The following PALS1 variants were observed in gnomAD, a reference collection of about 807,000 sequenced individuals.
PALS1 encodes the protein protein PALS1.
PALS1 carries 31 observed loss-of-function variants against 78.9 expected under a neutral mutation model. The observed-to-expected ratio is 0.39, with a 90% confidence interval of 0.30 to 0.53. The LOEUF is 0.53. PALS1 is among the 20% of genes least tolerant of loss of function. PALS1 has a pLI of 0.67. For synonymous variants in PALS1, 276 were observed against 270.9 expected (o/e 1.02, Z -0.18); for missense variants, 704 against 826.5 (o/e 0.85, Z 1.82).
intron 2 of PALS1, chr14:67,270,751 T>A (rs935092428): frequency 2.6e-5 from 4 of 152,226 alleles, no homozygotes; most frequent in African/African-American, 9.6e-5. Context: ...TACAGTATAA[T>A]GTTTCTTTAA....
chr14:67,256,992 G>T (rs1250901941), intron 1 of PALS1, among the ~76,000 whole-genome samples: 3 of 152,188 alleles, frequency 2.0e-5, no homozygotes, highest in Non-Finnish European at 4.4e-5. Flanking sequence ...GACGACAGGT[G>T]CCCAAGGTGA....
chr14:67,252,978 A>C (rs1595561445), intron 1 of PALS1, among the ~76,000 whole-genome samples: 2 of 152,220 alleles, frequency 1.3e-5, no homozygotes, highest in East Asian at 3.8e-4. Flanking sequence ...CATAACCATA[A>C]ATGTATTAAT....
intron 3 of PALS1, among the ~76,000 whole-genome samples, chr14:67,289,531 T>A (rs934118632): frequency 6.6e-6 from 1 of 152,028 alleles, no homozygotes; most frequent in Non-Finnish European, 1.5e-5. Flanking sequence ...ACTATATATA[T>A]AAAATAAGGA....
Position 67,323,912 on chromosome 14 carries a change from T to G in PALS1, c.1851+100T>G. 6 of 640,220 alleles carry G rather than the reference T, an allele frequency of 9.4e-6. No homozygotes were observed. The South Asian group carries it at 1.2e-4, about 13-fold the overall frequency. The allele number at this position is 640,220 out of a possible 1,614,324, so 39.7% of individuals were successfully genotyped here. A position where few individuals can be genotyped will look rare whatever the true frequency, so the allele number is the denominator to read the frequency against. ...CTTAAAAGCTACATTAGCTTGAGCT[T>G]TCAAACTGATTATTTTTTCTGTAAT... is the stretch of plus-strand genomic sequence containing the variant. On this transcript the variant is annotated intron_variant, in intron 14 of 14. Coordinates refer to ENST00000261681, the MANE Select transcript of PALS1 (RefSeq NM_022474.4).
intron 1 of PALS1, among the ~76,000 whole-genome samples, chr14:67,261,791 A>G (rs529596735): frequency 6.6e-6 from 1 of 152,198 alleles, no homozygotes; most frequent in South Asian, 2.1e-4. Context: ...ACTTTGAGCA[A>G]TAGATATCTT....
chr14:67,323,848 GGTAAACATGAAACA>G, intron 14 of PALS1, 36 bp downstream of exon 14: 1 of 1,111,274 alleles, frequency 9.0e-7, no homozygotes, highest in African/African-American at 1.6e-5. Flanking sequence ...TTCCATTGAA[GGTAAACATGAAACA>G]GTCCTGGTCT....
chr14:67,288,083 C>T (rs2084717517), intron 3 of PALS1, among the ~76,000 whole-genome samples: 1 of 150,900 alleles, frequency 6.6e-6, no homozygotes, highest in Non-Finnish European at 1.5e-5. Flanking sequence ...TGGGGTCTCC[C>T]TTTTTTTTTC....
At chr14:67,331,383 A>T (rs963343190) in intron 14 of PALS1, among the ~76,000 whole-genome samples, 2 of 152,056 alleles carry the variant, frequency 1.3e-5, no homozygotes, top group Non-Finnish European at 2.9e-5. Context: ...TCAATGATAG[A>T]AGTGCTGAAG....
At chr14:67,294,958 C>T (rs2084824148) in intron 4 of PALS1, 1 of 152,166 alleles carries the variant, frequency 6.6e-6, no homozygotes, top group Non-Finnish European at 1.5e-5. Context: ...AGGCGTGAGC[C>T]ACTGCGCCTG....
chr14:67,319,702 G>A (rs2085232754), intron 11 of PALS1, among the ~76,000 whole-genome samples: 1 of 152,136 alleles, frequency 6.6e-6, no homozygotes, highest in African/African-American at 2.4e-5. Context: ...GCCGTCCTGG[G>A]CTGCATGCAG....
intron 2 of PALS1, among the ~76,000 whole-genome samples, chr14:67,276,792 A>G (rs1313079584): frequency 6.6e-6 from 1 of 152,200 alleles, no homozygotes; most frequent in East Asian, 1.9e-4. Flanking sequence ...ATGATAGTAA[A>G]TAGTACAAGC....
intron 1 of PALS1, among the ~76,000 whole-genome samples, chr14:67,268,117 G>C (rs1025546643): frequency 6.6e-6 from 1 of 152,128 alleles, no homozygotes; most frequent in Non-Finnish European, 1.5e-5. Flanking sequence ...CAGTCATATG[G>C]AAACTGTATG....
intron 2 of PALS1, chr14:67,270,534 A>C (rs1384123851): frequency 6.6e-6 from 1 of 151,764 alleles, no homozygotes; most frequent in Admixed American, 6.6e-5. Flanking sequence ...ATTTACACAC[A>C]ATGAGGTAAT....
intron 3 of PALS1, among the ~76,000 whole-genome samples, chr14:67,282,307 A>G (rs1009687311): frequency 4.6e-5 from 7 of 152,162 alleles, no homozygotes; most frequent in Non-Finnish European, 1.0e-4. Context: ...CCCATATGAC[A>G]GGAGACAACT....
At chr14:67,261,102 A>T (rs984529495) in intron 1 of PALS1, among the ~76,000 whole-genome samples, 1 of 152,200 alleles carries the variant, frequency 6.6e-6, no homozygotes, top group Non-Finnish European at 1.5e-5. Context: ...GAGATAATGT[A>T]TGTCAGGTGC....
chr14:67,319,017 C>A (rs2085221625), intron 11 of PALS1, among the ~76,000 whole-genome samples: 1 of 150,368 alleles, frequency 6.7e-6, no homozygotes, highest in Non-Finnish European at 1.5e-5. Context: ...GAGATCGCGC[C>A]ACTGCACTCC....
Position 67,323,259 on chromosome 14 carries a change from G to GTATA in PALS1, c.1741-442_1741-441insATAT, listed in dbSNP as rs1168967610. On this transcript the variant is annotated intron_variant, in intron 13 of 14. Coordinates refer to ENST00000261681, the MANE Select transcript of PALS1 (RefSeq NM_022474.4). The stretch of plus-strand genomic sequence containing the variant: ...TGTGTGTGTGTGTGTGTGTGTGTGT[G>GTATA]TGTATATATATATATGGCTTCACAG... Among the ~76,000 whole-genome samples the GTATA allele has an allele frequency of 6.0e-4, 75 of 125,208 alleles. No individual in the cohort carries two copies. The East Asian group carries it at 7.0e-3, about 12-fold the overall frequency. 82.1% of individuals were successfully genotyped at this position (125,208 alleles called of 152,430 possible).
Position 67,275,855 on chromosome 14 carries a change from A to G in PALS1, c.-153-3163A>G, listed in dbSNP as rs565817086. ...CTTCCTGGTTTAGTCTTGGGAGGGT[A>G]TATGTGTCCAGGAATTTATCCATTT... On this transcript the variant is annotated intron_variant, in intron 2 of 14. Transcript: ENST00000261681. Among the ~76,000 whole-genome samples the G allele has an allele frequency of 2.4e-4, 36 of 152,140 alleles. 2 individuals carry two copies. The highest frequency in any genetic ancestry group is 8.3e-4 in the South Asian group (4 of 4,820).
chr14:67,312,426 A>T (rs1485226310), intron 8 of PALS1, 101 bp from the exon 9 acceptor site: 6 of 857,344 alleles, frequency 7.0e-6, no homozygotes, highest in Admixed American at 7.0e-5. Flanking sequence ...AAATTTTTTT[A>T]AAATTAAAAA....
Sources: allele counts gnomAD v4.1 joint callset (sites outside exome capture counted in the v4.1 genomes callset), GRCh38; gene constraint gnomAD v4.1.1; transcripts MANE v1.5; gene names NCBI Gene and HGNC (gene_info 2026-07-23, HGNC 2026-07-21).